OSTF1: variants seen among roughly 807,000 people sequenced by gnomAD.
The protein encoded by OSTF1 is osteoclast-stimulating factor 1.
In OSTF1, 27 loss-of-function variants were observed where a neutral mutation model predicts 37.2. The observed-to-expected ratio is 0.73, with a 90% CI of 0.54 to 1.00. OSTF1 has a LOEUF of 1.00. OSTF1 is among the 50% of genes least tolerant of loss of function. The pLI, the probability that OSTF1 is intolerant of heterozygous loss-of-function variation, is 0.00. For synonymous variants in OSTF1, 82 were observed against 89.2 expected (o/e 0.92, Z 0.46); for missense variants, 232 against 253.8 (o/e 0.91, Z 0.58).
At chr9:75,133,268 T>C in intron 5 of OSTF1, 26 bp from the exon 6 acceptor site, 1 of 1,378,532 alleles carries the variant, frequency 7.3e-7, no homozygotes, top group Non-Finnish European at 1.0e-6. Context: ...TTTTCTTGTG[T>C]TCTTGTAAAT....
At chr9:75,129,982 T>A (rs1157893694) in intron 3 of OSTF1, among the ~76,000 whole-genome samples, 2 of 152,332 alleles carry the variant, frequency 1.3e-5, no homozygotes, top group South Asian at 2.1e-4. Flanking sequence ...CTGAAATATT[T>A]ACAAATGAAA....
Position 75,130,551 on chromosome 9 carries a change from C to T in OSTF1, c.133-27C>T, listed in dbSNP as rs374669942. The stretch of plus-strand genomic sequence containing the variant: ...AATGAATGCAGTCTGGATTTCATAC[C>T]ACTTAATTTAACTCTTCTTTTACCA... On this transcript the variant is annotated intron_variant, in intron 3 of 9. Coordinates refer to ENST00000346234, the MANE Select transcript of OSTF1 (RefSeq NM_012383.5). 48 of 1,499,932 alleles carry T rather than the reference C, an allele frequency of 3.2e-5. No homozygotes were observed. In the African/African-American group the frequency reaches 6.0e-4, roughly 19 times the overall value. 92.9% of individuals were successfully genotyped at this position (1,499,932 alleles called of 1,614,324 possible). A position where few individuals can be genotyped will look rare whatever the true frequency, so the allele number is the denominator to read the frequency against.
intron 1 of OSTF1, among the ~76,000 whole-genome samples, chr9:75,104,300 T>C (rs1003453267): frequency 3.3e-5 from 5 of 152,032 alleles, no homozygotes; most frequent in African/African-American, 9.7e-5. Flanking sequence ...ATCCCAGGGC[T>C]TTGGAAGGAC....
At chr9:75,117,624 T>C in intron 2 of OSTF1, 74 bp downstream of exon 2, 2 of 1,087,628 alleles carry the variant, frequency 1.8e-6, no homozygotes, top group East Asian at 2.4e-5. Flanking sequence ...TTTCCTCTGG[T>C]GTGAATGGTC....
chr9:75,112,837 A>G (rs940311562), intron 1 of OSTF1, among the ~76,000 whole-genome samples: 3 of 152,230 alleles, frequency 2.0e-5, no homozygotes, highest in South Asian at 2.1e-4. Context: ...AGAAAGTTCT[A>G]TCGTTATTGA....
chr9:75,122,779 A>G (rs563880722), intron 2 of OSTF1, among the ~76,000 whole-genome samples: 1 of 152,328 alleles, frequency 6.6e-6, no homozygotes, highest in South Asian at 2.1e-4. Context: ...ATTAGTTAAT[A>G]TTTCTGAATG....
At chr9:75,139,910 C>T (rs188003343) in intron 8 of OSTF1, among the ~76,000 whole-genome samples, 34 of 152,240 alleles carry the variant, frequency 2.2e-4, no homozygotes, top group African/African-American at 7.2e-4. Flanking sequence ...TTCAGAAATA[C>T]GTGTGAACAA....
chr9:75,108,673 A>G (rs572980662), intron 1 of OSTF1, among the ~76,000 whole-genome samples: 1 of 152,280 alleles, frequency 6.6e-6, no homozygotes, highest in South Asian at 2.1e-4. Flanking sequence ...GTGACATTAT[A>G]TCATCATCAT....
chr9:75,133,183 C>A (rs761383784), intron 5 of OSTF1, 111 bp from the exon 6 acceptor site: 3 of 643,968 alleles, frequency 4.7e-6, no homozygotes, highest in Admixed American at 2.7e-5. Flanking sequence ...TTAATACTTG[C>A]TGATTAATCC....
At chr9:75,113,487 C>T (rs139602803) in intron 1 of OSTF1, among the ~76,000 whole-genome samples, 5,622 of 150,472 alleles carry the variant, frequency 0.037, 143 homozygotes, top group African/African-American at 0.069. Flanking sequence ...CTTGCTCTCT[C>T]GCCCAAGCTG....
intron 9 of OSTF1, 143 bp downstream of exon 9, chr9:75,141,075 G>A: frequency 1.8e-6 from 1 of 547,890 alleles, no homozygotes; most frequent in South Asian, 2.0e-5. Flanking sequence ...AAGGCAGGAG[G>A]TTCACTTGAG....
chr9:75,096,403 G>A (rs1378004381), intron 1 of OSTF1, among the ~76,000 whole-genome samples: 2 of 152,122 alleles, frequency 1.3e-5, no homozygotes, highest in East Asian at 1.9e-4. Context: ...TATATTCTTG[G>A]GACCGAAGAA....
chr9:75,094,326 A>G (rs1462605881), intron 1 of OSTF1, among the ~76,000 whole-genome samples: 1 of 151,902 alleles, frequency 6.6e-6, no homozygotes, highest in African/African-American at 2.4e-5. Context: ...CTAAATCGTT[A>G]TGAATGACAG....
chr9:75,088,731 G>T lies in OSTF1; in HGVS notation c.34+5G>T. The T allele has an allele frequency of 2.5e-6, 4 of 1,606,866 alleles. No homozygotes were observed. The highest frequency in any genetic ancestry group is 3.4e-6 in the Non-Finnish European group (4 of 1,176,370). On this transcript the variant is annotated splice_donor_5th_base_variant and intron_variant, in intron 1 of 9. Coordinates refer to ENST00000346234, the MANE Select transcript of OSTF1 (RefSeq NM_012383.5). ...CACCCAAACCAGTCAAACCAGGTGA[G>T]GGAGGTAAGGTAGGCGCTTGCCAGG... is the stretch of plus-strand genomic sequence containing the variant.
intron 8 of OSTF1, among the ~76,000 whole-genome samples, chr9:75,139,159 C>T (rs1456978248): frequency 6.6e-6 from 1 of 151,282 alleles, no homozygotes; most frequent in African/African-American, 2.4e-5. Flanking sequence ...TCTCCCACCT[C>T]AGCCTCCTGA....
chr9:75,089,609 T>G (rs999410679), intron 1 of OSTF1, among the ~76,000 whole-genome samples: 1 of 152,200 alleles, frequency 6.6e-6, no homozygotes, highest in Non-Finnish European at 1.5e-5. Flanking sequence ...TTCAATACTT[T>G]AACAACTCTT....
chr9:75,099,760 C>T (rs1587439289), intron 1 of OSTF1, among the ~76,000 whole-genome samples: 1 of 151,902 alleles, frequency 6.6e-6, no homozygotes, highest in South Asian at 2.1e-4. Context: ...ACCTGGAAGG[C>T]GGAGGTTGCA....
intron 3 of OSTF1, among the ~76,000 whole-genome samples, chr9:75,128,398 ATATATATATT>A (rs1406136014): frequency 4.4e-5 from 4 of 91,522 alleles, no homozygotes; most frequent in African/African-American, 1.3e-4. Flanking sequence ...ATATATATAT[ATATATATATT>A]TTGTCCATAT....
At chr9:75,091,081 CT>C (rs35343834) in intron 1 of OSTF1, among the ~76,000 whole-genome samples, 27,294 of 92,970 alleles carry the variant, frequency 0.29, 2,397 homozygotes, top group African/African-American at 0.37. Flanking sequence ...GAAGTCTGCA[CT>C]TTTTTTTTTT....
Sources: allele counts gnomAD v4.1 joint callset (sites outside exome capture counted in the v4.1 genomes callset), GRCh38; gene constraint gnomAD v4.1.1; transcripts MANE v1.5; gene names NCBI Gene and HGNC (gene_info 2026-07-23, HGNC 2026-07-21).